Variants in MYO7A observed in about 807,000 individuals in gnomAD.
MYO7A encodes myosin VIIA, also known as unconventional myosin-VIIa.
A neutral mutation model predicts 263.8 loss-of-function variants in MYO7A; 210 were observed. The observed-to-expected ratio is 0.80, with a 90% CI of 0.71 to 0.89. The LOEUF (loss-of-function observed/expected upper bound fraction) is 0.89. Among genes scored for constraint, MYO7A ranks in the 40% least tolerant of loss-of-function variants. MYO7A has a pLI of 0.00. For synonymous variants in MYO7A, 1,239 were observed against 1,197.3 expected, an observed-to-expected ratio of 1.03 and a Z score of -0.72; for missense variants, 2,820 against 2,968.3, an observed-to-expected ratio of 0.95 and a Z score of 1.16.
chr11:77,212,572 A>G (rs1022257675), intron 46 of MYO7A: 17 of 349,744 alleles, frequency 4.9e-5, no homozygotes, highest in Non-Finnish European at 8.8e-5. Flanking sequence ...GAGTATGGTG[A>G]GGAGGCTGGT....
Position 77,130,667 on chromosome 11 carries a change from C to A in MYO7A, c.18+15C>A, listed in dbSNP as rs782044983. On this transcript the variant is annotated intron_variant, in intron 2 of 48. Transcript: ENST00000409709. ...TTCTTCAGCAGGTCAGTGTTCCCAC[C>A]TCTTTGGGTGGCCTGTCCTCCCCAG... 1 of 1,612,886 alleles carries A rather than the reference C, an allele frequency of 6.2e-7. No individual in the cohort carries two copies. The highest frequency in any genetic ancestry group is 8.5e-7 in the Non-Finnish European group (1 of 1,179,560).
At position 77,142,716 on chromosome 11, in the gene MYO7A, A is replaced by T. The variant is rs1555051400; in HGVS notation, c.26A>T (p.His9Leu). ...ACTCTCTCTCGCCCATAGGGGGACCATGTGTGGATGGACCTGAGATTGGGG... is the reference window on the plus strand; with the variant it reads ...ACTCTCTCTCGCCCATAGGGGGACCTTGTGTGGATGGACCTGAGATTGGGG... The part of the protein sequence containing the change: MVILQQGD[H>L]VWMDLRLGQE... The change falls in exon 3 of 49, where the codon CAT becomes CTT. Residue 9 changes from histidine to leucine, a missense_variant. By Grantham distance (99) the His-to-Leu change is moderately conservative (BLOSUM62 -3). Coordinates refer to ENST00000409709, the MANE Select transcript of MYO7A (RefSeq NM_000260.4). 6.2e-7 allele frequency: 1 copy of T among 1,609,942 alleles called. No homozygotes were observed. The highest frequency in any genetic ancestry group is 2.2e-5 in the East Asian group (1 of 44,782).
At chr11:77,175,815 G>T in intron 18 of MYO7A, among the ~76,000 whole-genome samples, 1 of 152,240 alleles carries the variant, frequency 6.6e-6, no homozygotes. Flanking sequence ...GTGTGCCTGT[G>T]TGGGGTCTCT....
At chr11:77,149,780 C>T (rs782136533) in intron 4 of MYO7A, among the ~76,000 whole-genome samples, 2 of 152,124 alleles carry the variant, frequency 1.3e-5, no homozygotes, top group Non-Finnish European at 2.9e-5. Context: ...TGACAAAGCC[C>T]CTCTCACTCT....
intron 14 of MYO7A, among the ~76,000 whole-genome samples, chr11:77,165,820 C>T (rs543577361): frequency 6.6e-6 from 1 of 152,252 alleles, no homozygotes; most frequent in African/African-American, 2.4e-5. Flanking sequence ...GACTGAGACC[C>T]CCCTGCCCTT....
intron 34 of MYO7A, 42 bp from the exon 35 acceptor site, chr11:77,199,493 G>C (rs1316785196): frequency 6.9e-7 from 1 of 1,441,792 alleles, no homozygotes; most frequent in Non-Finnish European, 9.2e-7. Context: ...GTCTCCCACT[G>C]GTTGGGGCAT....
At chr11:77,179,425 C>T (rs1302868883) in intron 20 of MYO7A, among the ~76,000 whole-genome samples, 1 of 152,202 alleles carries the variant, frequency 6.6e-6, no homozygotes, top group Non-Finnish European at 1.5e-5. Flanking sequence ...GTCACATGGA[C>T]CTCTGTGCAG....
At position 77,177,647 on chromosome 11, in the gene MYO7A, C is replaced by T. The variant is rs368265503; in HGVS notation, c.2282+4C>T. The T allele has an allele frequency of 2.7e-5, 44 of 1,603,494 alleles. No individual in the cohort carries two copies. The highest frequency in any genetic ancestry group is 2.5e-4 in the African/African-American group (19 of 74,816). ...TCATCCGGGGATTCAAAGACAGGTG[C>T]GTGTTCCCACCAGCTCCTCCCCTCC... On this transcript the variant is annotated splice_donor_region_variant and intron_variant, in intron 19 of 48. Transcript: ENST00000409709.
intron 44 of MYO7A, 39 bp from the exon 45 acceptor site, chr11:77,211,113 A>T: frequency 6.7e-7 from 1 of 1,502,174 alleles, no homozygotes; most frequent in South Asian, 1.3e-5. Flanking sequence ...CACTTCTGCC[A>T]GGTCCCTGCA....
At chr11:77,159,550 A>G in intron 10 of MYO7A, 27 bp downstream of exon 10, 4 of 1,603,828 alleles carry the variant, frequency 2.5e-6, no homozygotes, top group South Asian at 1.1e-5. Flanking sequence ...TCTCCCCTCC[A>G]TGACTTCTGT....
chr11:77,152,723 G>A (rs1555057862), intron 4 of MYO7A, among the ~76,000 whole-genome samples: 1 of 152,090 alleles, frequency 6.6e-6, no homozygotes, highest in African/African-American at 2.4e-5. Flanking sequence ...GGGGGACAGA[G>A]GCCTTGAACG....
intron 21 of MYO7A, 109 bp from the exon 22 acceptor site, chr11:77,180,265 A>AATTATTTGGCAC: frequency 2.8e-6 from 1 of 351,168 alleles, no homozygotes; most frequent in Non-Finnish European, 4.6e-6. Context: ...TGTCCTATCA[A>AATTATTTGGCAC]AGTCATGCCC....
intron 18 of MYO7A, among the ~76,000 whole-genome samples, chr11:77,175,841 G>T (rs570021455): frequency 1.3e-5 from 2 of 152,304 alleles, no homozygotes; most frequent in African/African-American, 4.8e-5. Context: ...GTATCTTTAG[G>T]TTCCTTCCTG....
intron 14 of MYO7A, among the ~76,000 whole-genome samples, chr11:77,165,575 T>C (rs1166571145): frequency 1.3e-5 from 2 of 152,182 alleles, no homozygotes; most frequent in Non-Finnish European, 2.9e-5. Context: ...GCAGAGGAGG[T>C]AATCCCTACC....
At chr11:77,213,715 C>T (rs1266533454) in intron 47 of MYO7A, 145 bp from the exon 48 acceptor site, 1 of 1,169,992 alleles carries the variant, frequency 8.5e-7, no homozygotes. Context: ...GCACCTGCTT[C>T]CCACCGCAGC....
At position 77,159,531 on chromosome 11, in the gene MYO7A, C is replaced by T. The variant is rs782175014; in HGVS notation, c.1080+8C>T. Reference sequence around the variant, plus strand: ...GCTGCATCCCTGCTTGAGGTCAGTGCCTGGCCTCTCTCCCCTCCATGACTT... The same window carrying T: ...GCTGCATCCCTGCTTGAGGTCAGTGTCTGGCCTCTCTCCCCTCCATGACTT... On this transcript the variant is annotated splice_region_variant and intron_variant, in intron 10 of 48. Coordinates refer to ENST00000409709, the MANE Select transcript of MYO7A (RefSeq NM_000260.4). 1.2e-6 allele frequency: 2 copies of T among 1,611,470 alleles called. No individual in the cohort carries two copies. Among genetic ancestry groups the T allele is most frequent in the Non-Finnish European group, 1.7e-6 (2 of 1,178,452 alleles).
At chr11:77,199,884 C>G in intron 35 of MYO7A, 66 bp downstream of exon 35, 2 of 1,412,554 alleles carry the variant, frequency 1.4e-6, no homozygotes, top group Non-Finnish European at 1.9e-6. Flanking sequence ...CTGTCTTAGT[C>G]CATTTGTGTT....
chr11:77,192,037 C>A lies in MYO7A; in HGVS notation c.3925-14C>A, dbSNP rs1427392324. 1 of 1,608,450 alleles carries A rather than the reference C, an allele frequency of 6.2e-7. No individual in the cohort carries two copies. Among genetic ancestry groups the A allele is most frequent in the Admixed American group, 1.7e-5 (1 of 59,652 alleles). On this transcript the variant is annotated splice_polypyrimidine_tract_variant and intron_variant, in intron 30 of 48. Coordinates refer to ENST00000409709, the MANE Select transcript of MYO7A (RefSeq NM_000260.4). ...CTGACTCTGTGCCTGCTCCCCTCCC[C>A]TCTGTGCCCACAGGTGTCCTCCCTG...
intron 12 of MYO7A, among the ~76,000 whole-genome samples, chr11:77,161,419 G>A (rs1481472778): frequency 2.0e-5 from 3 of 152,288 alleles, no homozygotes; most frequent in South Asian, 2.1e-4. Context: ...GCTGCAAGGC[G>A]CCTCAAAGCA....
Sources: allele counts gnomAD v4.1 joint callset (sites outside exome capture counted in the v4.1 genomes callset), GRCh38; gene constraint gnomAD v4.1.1; transcripts MANE v1.5; gene names NCBI Gene and HGNC (gene_info 2026-07-23, HGNC 2026-07-21).